Variants in DTD1 observed in about 807,000 individuals in gnomAD.
The protein encoded by DTD1 is D-tyrosyl-tRNA deacylase 1 homolog.
A neutral mutation model predicts 25.6 loss-of-function variants in DTD1; 13 were observed. The observed-to-expected ratio is 0.51, with a 90% CI of 0.33 to 0.81. The LOEUF (loss-of-function observed/expected upper bound fraction) is 0.81, where lower values mean the gene tolerates loss of function less well. Ranked by LOEUF, DTD1 falls within the 30% of genes least tolerant of loss-of-function variation. DTD1 has a pLI of 0.02. For synonymous variants in DTD1, 110 were observed against 103.6 expected, an observed-to-expected ratio of 1.06 and a Z score of -0.37; for missense variants, 193 against 266.4, an observed-to-expected ratio of 0.72 and a Z score of 1.92.
chr20:18,591,758 T>C (rs922183298), intron 1 of DTD1, among the ~76,000 whole-genome samples: 12 of 152,286 alleles, frequency 7.9e-5, no homozygotes, highest in African/African-American at 2.6e-4. Flanking sequence ...AAGAAAGTAA[T>C]GTTGATTTAT....
intron 3 of DTD1, among the ~76,000 whole-genome samples, chr20:18,615,655 G>A (rs1392543636): frequency 1.3e-5 from 2 of 152,218 alleles, no homozygotes; most frequent in Non-Finnish European, 2.9e-5. Context: ...TTTGTAATGG[G>A]CTCAGGGAAA....
intron 5 of DTD1, among the ~76,000 whole-genome samples, chr20:18,744,643 A>C (rs2122521989): frequency 1.1e-5 from 1 of 90,844 alleles, no homozygotes; most frequent in African/African-American, 4.2e-5. Flanking sequence ...TCTCAAAAAA[A>C]AAAAACAAAA....
intron 4 of DTD1, among the ~76,000 whole-genome samples, chr20:18,637,655 C>T (rs2060812479): frequency 6.6e-6 from 1 of 152,168 alleles, no homozygotes; most frequent in Non-Finnish European, 1.5e-5. Context: ...ACATCTTAGC[C>T]TCTGCATGGA....
chr20:18,707,227 C>T (rs560850009), intron 4 of DTD1, among the ~76,000 whole-genome samples: 3 of 152,278 alleles, frequency 2.0e-5, no homozygotes, highest in South Asian at 2.1e-4. Context: ...GAGTTTCGTT[C>T]GATAAATAAA....
intron 4 of DTD1, among the ~76,000 whole-genome samples, chr20:18,738,261 C>T (rs143983438): frequency 5.9e-5 from 9 of 152,298 alleles, no homozygotes; most frequent in African/African-American, 2.2e-4. Context: ...CCCCCTCAGC[C>T]GCTAGCAGGC....
At chr20:18,685,168 T>A (rs958736000) in intron 4 of DTD1, among the ~76,000 whole-genome samples, 4 of 152,132 alleles carry the variant, frequency 2.6e-5, no homozygotes, top group African/African-American at 9.7e-5. Context: ...AGTTTACAAA[T>A]GTGAGCCATT....
At chr20:18,671,637 G>A (rs2060951451) in intron 4 of DTD1, among the ~76,000 whole-genome samples, 1 of 152,220 alleles carries the variant, frequency 6.6e-6, no homozygotes, top group African/African-American at 2.4e-5. Context: ...TGTTGTTAGA[G>A]CAGATGTTTT....
At chr20:18,601,667 G>A (rs1333476506) in intron 3 of DTD1, among the ~76,000 whole-genome samples, 1 of 151,802 alleles carries the variant, frequency 6.6e-6, no homozygotes, top group Non-Finnish European at 1.5e-5. Flanking sequence ...GGGGCACACT[G>A]ACACCTCACA....
At chr20:18,751,064 C>CGTGTGT (rs144204072) in intron 5 of DTD1, among the ~76,000 whole-genome samples, 1,885 of 150,362 alleles carry the variant, frequency 0.013, 15 homozygotes, top group African/African-American at 0.017. Context: ...CTACAGCAGC[C>CGTGTGT]GTGTGTGTGT....
chr20:18,685,420 TG>T, intron 4 of DTD1, among the ~76,000 whole-genome samples: 2 of 152,096 alleles, frequency 1.3e-5, no homozygotes, highest in Non-Finnish European at 2.9e-5. Context: ...TATGTGAGAG[TG>T]CTTTCTGCCT....
chr20:18,622,315 T>G (rs928098331), intron 3 of DTD1, among the ~76,000 whole-genome samples: 1 of 152,112 alleles, frequency 6.6e-6, no homozygotes, highest in Non-Finnish European at 1.5e-5. Flanking sequence ...CTCCCACTTA[T>G]GACATCTTTT....
rs11484391 is a variant in DTD1, at chr20:18,693,656, T to TAAAAAAA, written c.478-50433_478-50427dup. Reference sequence around the variant, plus strand: ...TGGGTGACAGAGCGAGACTCCCATCTAAAAAAAAAAAAAAAAATTGTCTTC... The same window carrying TAAAAAAA: ...TGGGTGACAGAGCGAGACTCCCATCTAAAAAAAAAAAAAAAAAAAAAAAATTGTCTTC... On this transcript the variant is annotated intron_variant, in intron 4 of 5. Transcript: ENST00000377452. Among the ~76,000 whole-genome samples the TAAAAAAA allele has an allele frequency of 1.3e-4, 18 of 143,772 alleles. No individual in the cohort carries two copies. In the South Asian group the frequency reaches 4.1e-3, roughly 32 times the overall value. The allele number at this position is 143,772 out of a possible 152,430, so 94.3% of individuals were successfully genotyped here. A position where few individuals can be genotyped will look rare whatever the true frequency, so the allele number is the denominator to read the frequency against.
At chr20:18,740,309 G>T (rs1011163703) in intron 4 of DTD1, among the ~76,000 whole-genome samples, 5 of 147,424 alleles carry the variant, frequency 3.4e-5, no homozygotes, top group South Asian at 2.2e-4. Flanking sequence ...TTCACATTTT[G>T]TTTTTTTTTT....
chr20:18,709,144 T>C (rs527458821), intron 4 of DTD1, among the ~76,000 whole-genome samples: 22 of 152,310 alleles, frequency 1.4e-4, no homozygotes, highest in African/African-American at 5.1e-4. Context: ...GCCTCTGTTA[T>C]AGAATAAGAC....
intron 4 of DTD1, among the ~76,000 whole-genome samples, chr20:18,727,949 A>G (rs1048524434): frequency 1.3e-4 from 20 of 152,208 alleles, no homozygotes; most frequent in Non-Finnish European, 2.8e-4. Flanking sequence ...GGGGAGGCTG[A>G]TGGAGAAGAT....
At chr20:18,650,958 C>T (rs373411704) in intron 4 of DTD1, among the ~76,000 whole-genome samples, 3 of 152,134 alleles carry the variant, frequency 2.0e-5, no homozygotes, top group African/African-American at 7.2e-5. Flanking sequence ...TGTGTTACAA[C>T]GCTCTAGTAA....
At chr20:18,734,930 T>A (rs2061250367) in intron 4 of DTD1, among the ~76,000 whole-genome samples, 1 of 152,232 alleles carries the variant, frequency 6.6e-6, no homozygotes, top group Non-Finnish European at 1.5e-5. Flanking sequence ...GGGGTCTGGC[T>A]GGGCACGTCC....
At chr20:18,742,880 C>G (rs1424864875) in intron 4 of DTD1, among the ~76,000 whole-genome samples, 2 of 152,132 alleles carry the variant, frequency 1.3e-5, no homozygotes, top group Admixed American at 6.5e-5. Context: ...GGGGCAGGGA[C>G]CAGCAGGGAG....
intron 3 of DTD1, among the ~76,000 whole-genome samples, chr20:18,606,661 A>C (rs879714167): frequency 5.5e-5 from 7 of 127,764 alleles, no homozygotes; most frequent in African/African-American, 2.0e-4. Flanking sequence ...CATCATTCTC[A>C]GTAAACTATC....
Sources: allele counts gnomAD v4.1 joint callset (sites outside exome capture counted in the v4.1 genomes callset), GRCh38; gene constraint gnomAD v4.1.1; transcripts MANE v1.5; gene names NCBI Gene and HGNC (gene_info 2026-07-23, HGNC 2026-07-21).